CRPPA: variants seen among roughly 807,000 people sequenced by gnomAD.
CRPPA encodes D-ribitol-5-phosphate cytidylyltransferase.
In CRPPA, 43 loss-of-function variants were observed where a neutral mutation model predicts 52.0. That is an observed-to-expected ratio of 0.83 (90% CI 0.65 to 1.07). The LOEUF is 1.07. Among genes scored for constraint, CRPPA ranks in the 50% least tolerant of loss-of-function variants. The pLI is 0.00. For synonymous variants in CRPPA, 250 were observed against 203.5 expected, an observed-to-expected ratio of 1.23 and a Z score of -1.94; for missense variants, 629 against 551.7, an observed-to-expected ratio of 1.14 and a Z score of -1.40.
chr7:16,380,516 G>C (rs1357747447), intron 2 of CRPPA, among the ~76,000 whole-genome samples: 1 of 152,132 alleles, frequency 6.6e-6, no homozygotes, highest in Non-Finnish European at 1.5e-5. Context: ...AAATGAGTTA[G>C]GGAGGATTCC....
At chr7:16,201,185 T>A (rs1238100696) in intron 9 of CRPPA, among the ~76,000 whole-genome samples, 1 of 152,174 alleles carries the variant, frequency 6.6e-6, no homozygotes, top group Non-Finnish European at 1.5e-5. Flanking sequence ...CTAAATTTGT[T>A]GCATTTACAT....
In CRPPA at chr7:16,421,095, G is replaced by C; in HGVS notation, c.228C>G (p.Leu76=). ...CCAGGGCCTGTAGGGTGTAGCTGAT[G>C]AGCGGCCTCTCCAGGATGGGGCAGA... is the stretch of plus-strand genomic sequence containing the variant. ...KQFCPILERP[L]ISYTLQALER... is the part of the protein sequence containing the mutation. The change falls in exon 1 of 10, where the codon CTC becomes CTG. Residue 76 remains leucine (L), a synonymous_variant. Transcript: ENST00000407010. The C allele has an allele frequency of 7.7e-7, 1 of 1,298,884 alleles. No individual in the cohort carries two copies. The highest frequency in any genetic ancestry group is 9.8e-7 in the Non-Finnish European group (1 of 1,016,508). 80.5% of individuals were successfully genotyped at this position (1,298,884 alleles called of 1,614,324 possible). A position where few individuals can be genotyped will look rare whatever the true frequency, so the allele number is the denominator to read the frequency against.
Position 16,397,804 on chromosome 7 carries a change from T to A in CRPPA, c.534+8257A>T, listed in dbSNP as rs570311314. 5.3e-5 allele frequency among the ~76,000 whole-genome samples: 8 copies of A among 152,294 alleles called. No individual in the cohort carries two copies. In the South Asian group the frequency reaches 1.5e-3, roughly 28 times the overall value. Reference sequence around the variant, plus strand: ...ACACGTCACTGACATGATTGGCACGTGTTTAACATGTGACTGACGTGATCC... The same window carrying A: ...ACACGTCACTGACATGATTGGCACGAGTTTAACATGTGACTGACGTGATCC... On this transcript the variant is annotated intron_variant, in intron 2 of 9. Transcript: ENST00000407010.
At chr7:16,302,295 C>CAAAAAAAAAA (rs34666735) in intron 4 of CRPPA, among the ~76,000 whole-genome samples, 6 of 53,374 alleles carry the variant, frequency 1.1e-4, no homozygotes, top group African/African-American at 4.7e-4. Context: ...GACTCTGTCT[C>CAAAAAAAAAA]AAAAAAAAAA....
At chr7:16,372,158 G>A (rs115403511) in intron 3 of CRPPA, among the ~76,000 whole-genome samples, 1,769 of 152,264 alleles carry the variant, frequency 0.012, 41 homozygotes, top group African/African-American at 0.041. Flanking sequence ...TCCTAACCTT[G>A]CTAGAGATCT....
chr7:16,318,250 T>C (rs528974116), intron 3 of CRPPA, among the ~76,000 whole-genome samples: 50 of 152,284 alleles, frequency 3.3e-4, no homozygotes, highest in Admixed American at 1.2e-3. Context: ...CCAACTCTCT[T>C]GTCCATCCAT....
At chr7:16,340,642 C>T (rs1003199344) in intron 3 of CRPPA, among the ~76,000 whole-genome samples, 1 of 150,600 alleles carries the variant, frequency 6.6e-6, no homozygotes, top group Non-Finnish European at 1.5e-5. Flanking sequence ...AAACCAAAAC[C>T]TCTCATTGTT....
At chr7:16,403,397 T>C (rs1471454808) in intron 2 of CRPPA, among the ~76,000 whole-genome samples, 2 of 152,192 alleles carry the variant, frequency 1.3e-5, no homozygotes, top group African/African-American at 4.8e-5. Flanking sequence ...GTTTAAGTTT[T>C]TTTAATTAAG....
rs1482495803 is a variant in CRPPA at position 16,406,214 on chromosome 7, G to C, written c.381C>G (p.His127Gln). The change falls in exon 2 of 10, where the codon CAC (histidine) becomes CAG (glutamine). Residue 127 changes from histidine (H) to glutamine (Q), a missense_variant. His to Gln is a conservative substitution (Grantham distance 24). Coordinates refer to ENST00000407010, the MANE Select transcript of CRPPA (RefSeq NM_001101426.4). Reference sequence around the variant, plus strand: ...CTTTTAGTCCATTGAAAATTGACCTGTGGCGGGTCACTCCAGCTTCGACCA... The same window carrying C: ...CTTTTAGTCCATTGAAAATTGACCTCTGGCGGGTCACTCCAGCTTCGACCA... ...ISLVEAGVTRHRSIFNGLKAL... is the reference protein window; with the variant it reads ...ISLVEAGVTRQRSIFNGLKAL... 5 of 1,614,002 alleles carry C rather than the reference G, an allele frequency of 3.1e-6. No homozygotes were observed. In the South Asian group the frequency reaches 5.5e-5, roughly 18 times the overall value.
chr7:16,416,896 T>G (rs1387004970), intron 1 of CRPPA, among the ~76,000 whole-genome samples: 2 of 151,982 alleles, frequency 1.3e-5, no homozygotes, highest in African/African-American at 4.8e-5. Context: ...GTAAACAGTT[T>G]TTGCACTCTC....
intron 2 of CRPPA, among the ~76,000 whole-genome samples, chr7:16,376,752 T>C (rs1297530503): frequency 6.6e-6 from 1 of 152,224 alleles, no homozygotes; most frequent in African/African-American, 2.4e-5. Context: ...GGAAAAACAG[T>C]TCCTGTCAAA....
At chr7:16,331,016 T>G (rs756370787) in intron 3 of CRPPA, among the ~76,000 whole-genome samples, 7 of 152,182 alleles carry the variant, frequency 4.6e-5, no homozygotes, top group Non-Finnish European at 8.8e-5. Flanking sequence ...TTTTGTTTTT[T>G]TGAGATGGAG....
At chr7:16,353,375 C>T (rs1562649178) in intron 3 of CRPPA, among the ~76,000 whole-genome samples, 1 of 151,652 alleles carries the variant, frequency 6.6e-6, no homozygotes, top group Non-Finnish European at 1.5e-5. Flanking sequence ...AAAATAAAAA[C>T]AAAAGTCAAA....
rs879687067 is a variant in CRPPA at position 16,206,963 on chromosome 7, T to C, written c.1251+9103A>G. 5.9e-5 allele frequency among the ~76,000 whole-genome samples: 9 copies of C among 152,136 alleles called. 1 individual carries two copies. The highest frequency in any genetic ancestry group is 2.6e-4 in the Admixed American group (4 of 15,262). On this transcript the variant is annotated intron_variant, in intron 9 of 9. Coordinates refer to ENST00000407010, the MANE Select transcript of CRPPA (RefSeq NM_001101426.4). ...TGTCAAAGGTGAGTAATGAGATGGA[T>C]GAAAAACTAATAAATCTTGCTATTT... is the stretch of plus-strand genomic sequence containing the variant.
chr7:16,299,077 T>C (rs1218945064), intron 5 of CRPPA, among the ~76,000 whole-genome samples: 1 of 152,242 alleles, frequency 6.6e-6, no homozygotes, highest in Non-Finnish European at 1.5e-5. Flanking sequence ...TCTATATCTC[T>C]GTACATCCTA....
At chr7:16,345,036 G>C (rs1426543989) in intron 3 of CRPPA, among the ~76,000 whole-genome samples, 1 of 152,018 alleles carries the variant, frequency 6.6e-6, no homozygotes, top group African/African-American at 2.4e-5. Flanking sequence ...ATACAATCAG[G>C]TCCGCATATA....
In CRPPA at chr7:16,137,517, A is replaced by G. The variant is rs557636554; in HGVS notation, c.1252-45718T>C. 2.0e-4 allele frequency among the ~76,000 whole-genome samples: 31 copies of G among 152,220 alleles called. 1 individual carries two copies. The highest frequency in any genetic ancestry group is 7.2e-4 in the Admixed American group (11 of 15,278). ...TGGGCTCATGTATTAACTTTTTTAA[A>G]AATGATAATAGCAACAAAGGCAGCA... On this transcript the variant is annotated intron_variant, in intron 9 of 9. Coordinates refer to ENST00000407010, the MANE Select transcript of CRPPA (RefSeq NM_001101426.4).
intron 9 of CRPPA, among the ~76,000 whole-genome samples, chr7:16,203,085 C>T (rs186416942): frequency 2.0e-5 from 3 of 152,108 alleles, no homozygotes; most frequent in East Asian, 1.9e-4. Context: ...TATCTAGCTG[C>T]GCTTTAAGGT....
At chr7:16,306,890 C>A (rs1583506743) in intron 4 of CRPPA, among the ~76,000 whole-genome samples, 1 of 152,114 alleles carries the variant, frequency 6.6e-6, no homozygotes, top group Non-Finnish European at 1.5e-5. Flanking sequence ...AGTAATATTG[C>A]ATAAAATTTC....
Sources: allele counts gnomAD v4.1 joint callset (sites outside exome capture counted in the v4.1 genomes callset), GRCh38; gene constraint gnomAD v4.1.1; transcripts MANE v1.5; gene names NCBI Gene and HGNC (gene_info 2026-07-23, HGNC 2026-07-21).